The following FMN2 variants were observed in gnomAD, a reference collection of about 807,000 sequenced individuals.
The protein encoded by FMN2 is formin 2, also known as formin-2.
Under a neutral mutation model 142.3 loss-of-function variants are expected in FMN2, and 51 were observed. That is an observed-to-expected ratio of 0.36 (90% CI 0.29 to 0.45). The LOEUF (loss-of-function observed/expected upper bound fraction) is 0.45, where lower values mean the gene tolerates loss of function less well. Among genes scored for constraint, FMN2 ranks in the 20% least tolerant of loss-of-function variants. The pLI, the probability that FMN2 is intolerant of heterozygous loss-of-function variation, is 1.00. For missense variants in FMN2, 1,936 were observed against 2,122.8 expected, an observed-to-expected ratio of 0.91 and a Z score of 1.73; for synonymous variants, 882 against 869.8, an observed-to-expected ratio of 1.01 and a Z score of -0.25.
chr1:240,351,679 G>A (rs1425539269), intron 13 of FMN2, among the ~76,000 whole-genome samples: 1 of 152,186 alleles, frequency 6.6e-6, no homozygotes, highest in Non-Finnish European at 1.5e-5. Context: ...CAACATTAGA[G>A]TAAAAATGAA....
chr1:240,170,154 A>G (rs1457136806), intron 2 of FMN2: 14 of 831,908 alleles, frequency 1.7e-5, no homozygotes, highest in Non-Finnish European at 2.7e-5. Flanking sequence ...CCTGGCGCCG[A>G]CCAGAACCCG....
intron 14 of FMN2, among the ~76,000 whole-genome samples, chr1:240,381,929 C>T (rs74954735): frequency 0.017 from 2,602 of 152,270 alleles, 67 homozygotes; most frequent in African/African-American, 0.059. Context: ...AGGATGTCTA[C>T]TCTCACCACT....
chr1:240,452,603 A>G (rs1337519060), intron 16 of FMN2, among the ~76,000 whole-genome samples: 1 of 152,188 alleles, frequency 6.6e-6, no homozygotes, highest in Non-Finnish European at 1.5e-5. Flanking sequence ...AAGTGATAAA[A>G]TTCCATTTGG....
In FMN2 at chr1:240,296,516, T is replaced by A. The variant is rs143715201; in HGVS notation, c.4215+1633T>A. On this transcript the variant is annotated intron_variant, in intron 8 of 17. Coordinates refer to ENST00000319653, the MANE Select transcript of FMN2 (RefSeq NM_020066.5). ...GCCTGGTATTTAAGCCTCTGCTCTT[T>A]GGGGCATGGCCTTAGTTGGTCCTTA... 3.6e-3 allele frequency among the ~76,000 whole-genome samples: 534 copies of A among 150,226 alleles called. 5 individuals carry two copies. Among genetic ancestry groups the A allele is most frequent in the African/African-American group, 0.011 (445 of 40,764 alleles).
At chr1:240,110,507 C>T (rs1189471065) in intron 1 of FMN2, among the ~76,000 whole-genome samples, 1 of 152,190 alleles carries the variant, frequency 6.6e-6, no homozygotes, top group African/African-American at 2.4e-5. Flanking sequence ...AAGAGGATTG[C>T]AACATTTGTT....
intron 7 of FMN2, among the ~76,000 whole-genome samples, chr1:240,292,944 G>C (rs1302177513): frequency 1.3e-5 from 2 of 152,112 alleles, no homozygotes; most frequent in Non-Finnish European, 2.9e-5. Context: ...GGTCAACTAG[G>C]GGGAAGTTAT....
chr1:240,112,018 A>G (rs572807405), intron 1 of FMN2, among the ~76,000 whole-genome samples: 5 of 152,318 alleles, frequency 3.3e-5, no homozygotes, highest in Admixed American at 2.6e-4. Context: ...AGATTTCTTC[A>G]GTTCTGCATA....
chr1:240,439,765 C>G (rs1675543227), intron 16 of FMN2, among the ~76,000 whole-genome samples: 1 of 152,116 alleles, frequency 6.6e-6, no homozygotes, highest in Non-Finnish European at 1.5e-5. Flanking sequence ...CAGACTAAGT[C>G]ATATATTAAG....
chr1:240,362,049 A>G (rs992232544), intron 14 of FMN2, among the ~76,000 whole-genome samples: 2 of 152,180 alleles, frequency 1.3e-5, no homozygotes, highest in African/African-American at 4.8e-5. Flanking sequence ...AGGCTTGTGG[A>G]TATGAAGGTG....
chr1:240,250,200 C>G, intron 6 of FMN2, among the ~76,000 whole-genome samples: 1 of 152,024 alleles, frequency 6.6e-6, no homozygotes, highest in East Asian at 1.9e-4. Context: ...CATCTTTTCC[C>G]CATTCAGTAT....
intron 2 of FMN2, among the ~76,000 whole-genome samples, chr1:240,141,631 A>G (rs549121834): frequency 1.6e-4 from 24 of 152,148 alleles, no homozygotes; most frequent in Non-Finnish European, 2.8e-4. Context: ...TGACCTCCCG[A>G]AGTGCTGGGA....
intron 7 of FMN2, among the ~76,000 whole-genome samples, chr1:240,267,904 G>A (rs1164819331): frequency 1.3e-5 from 2 of 151,856 alleles, no homozygotes; most frequent in Non-Finnish European, 2.9e-5. Context: ...ACAAACATAC[G>A]AAAAAATGTT....
At chr1:240,135,989 T>A (rs1375046834) in intron 2 of FMN2, among the ~76,000 whole-genome samples, 1 of 152,028 alleles carries the variant, frequency 6.6e-6, no homozygotes, top group East Asian at 1.9e-4. Flanking sequence ...ATGTTTTTTT[T>A]TTTTTAATCA....
intron 7 of FMN2, among the ~76,000 whole-genome samples, chr1:240,283,189 C>T (rs1669475892): frequency 6.6e-6 from 1 of 152,094 alleles, no homozygotes; most frequent in South Asian, 2.1e-4. Context: ...TTAATTAGAA[C>T]AGTAATTGAA....
chr1:240,329,888 A>G (rs1671322049), intron 10 of FMN2, among the ~76,000 whole-genome samples: 3 of 152,158 alleles, frequency 2.0e-5, no homozygotes, highest in Admixed American at 6.6e-5. Context: ...AGGAACAGCC[A>G]TATGACTCAA....
intron 15 of FMN2, among the ~76,000 whole-genome samples, chr1:240,423,595 T>C (rs1042517639): frequency 6.6e-6 from 1 of 152,194 alleles, no homozygotes; most frequent in Non-Finnish European, 1.5e-5. Flanking sequence ...CTCAGCCTTT[T>C]TTGCTGTACT....
rs113677551 is a variant in FMN2 at position 240,127,370 on chromosome 1, CT to C, written c.1782+4039del. Among the ~76,000 whole-genome samples, 1,020 of 139,498 alleles carry C rather than the reference CT, an allele frequency of 7.3e-3. 2 individuals carry two copies. Among genetic ancestry groups the C allele is most frequent in the Admixed American group, 0.01 (145 of 13,860 alleles). The allele number at this position is 139,498 out of a possible 152,430, so 91.5% of individuals were successfully genotyped here. A position where few individuals can be genotyped will look rare whatever the true frequency, so the allele number is the denominator to read the frequency against. On this transcript the variant is annotated intron_variant, in intron 2 of 17. Transcript: ENST00000319653. ...TACAGGCATGAGCCACCATACCTGG[CT>C]TTTTTTTTTTTTTAAATGGGAGCTT...
chr1:240,326,848 TA>T lies in FMN2; in HGVS notation c.4216-2227del, dbSNP rs1671189706. Among the ~76,000 whole-genome samples the T allele has an allele frequency of 2.6e-5, 4 of 152,300 alleles. No homozygotes were observed. In the South Asian group the frequency reaches 8.3e-4, roughly 32 times the overall value. On this transcript the variant is annotated intron_variant, in intron 8 of 17. Coordinates refer to ENST00000319653, the MANE Select transcript of FMN2 (RefSeq NM_020066.5). The stretch of plus-strand genomic sequence containing the variant: ...ATAGGGATTGGAGACCTTTATGTGT[TA>T]TACTTTGGTGGGGACTTGTGTGTCT...
At chr1:240,421,970 C>T (rs1254142219) in intron 15 of FMN2, among the ~76,000 whole-genome samples, 2 of 152,142 alleles carry the variant, frequency 1.3e-5, no homozygotes, top group African/African-American at 2.4e-5. Context: ...GGCTCCTGAG[C>T]ACCAGCTTCC....
Sources: allele counts gnomAD v4.1 joint callset (sites outside exome capture counted in the v4.1 genomes callset), GRCh38; gene constraint gnomAD v4.1.1; transcripts MANE v1.5; gene names NCBI Gene and HGNC (gene_info 2026-07-23, HGNC 2026-07-21).